The following WNT4 variants were observed in gnomAD, a reference collection of about 807,000 sequenced individuals.
WNT4 encodes protein Wnt-4.
Under a neutral mutation model 34.5 loss-of-function variants are expected in WNT4, and 16 were observed. The ratio of observed to expected loss-of-function variants is 0.46; its 90% CI spans 0.31 to 0.70. WNT4 has a LOEUF of 0.70. Ranked by LOEUF, WNT4 falls within the 30% of genes least tolerant of loss-of-function variation. WNT4 has a pLI of 0.04. For missense variants in WNT4, 379 were observed against 495.9 expected, an observed-to-expected ratio of 0.76 and a Z score of 2.24; for synonymous variants, 200 against 211.9, an observed-to-expected ratio of 0.94 and a Z score of 0.49.
At chr1:22,128,385 A>C (rs57264451) in intron 2 of WNT4, among the ~76,000 whole-genome samples, 3,352 of 152,278 alleles carry the variant, frequency 0.022, 123 homozygotes, top group African/African-American at 0.075. Context: ...AGGAAGTAGA[A>C]AAAGGGGCCC....
At chr1:22,130,372 T>C (rs950375480) in intron 1 of WNT4, among the ~76,000 whole-genome samples, 1 of 152,200 alleles carries the variant, frequency 6.6e-6, no homozygotes, top group Non-Finnish European at 1.5e-5. Context: ...GAGACCAGTG[T>C]CATTGCTGCC....
chr1:22,129,641 G>A lies in WNT4; in HGVS notation c.288C>T (p.Pro96=), dbSNP rs566208847. 6.2e-6 allele frequency: 10 copies of A among 1,613,588 alleles called. No homozygotes were observed. The East Asian group carries it at 1.6e-4, about 25-fold the overall frequency. Residue 96 remains proline (P), a synonymous_variant, in exon 2 of 5, where the codon CCC becomes CCT. Coordinates refer to ENST00000290167, the MANE Select transcript of WNT4 (RefSeq NM_030761.5). The part of the protein sequence containing the change: ...RWNCSTLDSL[P]VFGKVVTQGT... ...CTTGCGTCACCACCTTGCCGAAGAC[G>A]GGCAAGGAGTCGAGTGTGGAGCAGT...
chr1:22,139,182 G>T lies in WNT4; in HGVS notation c.77+3664C>A, dbSNP rs1344821897. ...AGGGCTTGGGAGCAGCAGCCTGAAGGCCCGTTTTCTCCACCACCCCTATCA... is the reference window on the plus strand; with the variant it reads ...AGGGCTTGGGAGCAGCAGCCTGAAGTCCCGTTTTCTCCACCACCCCTATCA... On this transcript the variant is annotated intron_variant, in intron 1 of 4. Transcript: ENST00000290167. This position sits in a 1 kb window ranked among gnomAD's most constrained non-coding sequence, Gnocchi z 4.6. Among the ~76,000 whole-genome samples, 1 of 152,172 alleles carries T rather than the reference G, an allele frequency of 6.6e-6. No homozygotes were observed. The highest frequency in any genetic ancestry group is 3.2e-3 in the Middle Eastern group (1 of 316).
At chr1:22,122,834 G>T (rs1645912092) in intron 2 of WNT4, among the ~76,000 whole-genome samples, 1 of 152,206 alleles carries the variant, frequency 6.6e-6, no homozygotes, top group Non-Finnish European at 1.5e-5. Flanking sequence ...GAGCACTGGG[G>T]TGGGAGGCAG....
intron 2 of WNT4, among the ~76,000 whole-genome samples, chr1:22,124,141 T>C (rs921782726): frequency 2.0e-5 from 3 of 152,140 alleles, no homozygotes; most frequent in African/African-American, 7.2e-5. Context: ...CACTCAGATA[T>C]AGAGAAAGAA....
chr1:22,129,401 T>G (rs1645965003), intron 2 of WNT4, among the ~76,000 whole-genome samples: 1 of 152,242 alleles, frequency 6.6e-6, no homozygotes, highest in South Asian at 2.1e-4. Context: ...CCTCTTCTGA[T>G]GGCCCCCATC....
Position 22,120,536 on chromosome 1 carries a change from G to T in WNT4, c.589-19C>A. On this transcript the variant is annotated intron_variant, in intron 4 of 4. Transcript: ENST00000290167. ...GGATGGCCTGTGGGAGAGGGTGGGG[G>T]AGAGGGGCCATCAGGAGATGGCAAG... is the stretch of plus-strand genomic sequence containing the variant. 2 of 1,596,798 alleles carry T rather than the reference G, an allele frequency of 1.3e-6. No individual in the cohort carries two copies. The highest frequency in any genetic ancestry group is 1.1e-5 in the South Asian group (1 of 89,410).
At chr1:22,125,263 CTT>C (rs1482098463) in intron 2 of WNT4, among the ~76,000 whole-genome samples, 1 of 152,020 alleles carries the variant, frequency 6.6e-6, no homozygotes, top group Non-Finnish European at 1.5e-5. Flanking sequence ...TTCTAATTGT[CTT>C]GTGTGTGTCT....
chr1:22,140,598 C>T lies in WNT4; in HGVS notation c.77+2248G>A, dbSNP rs979200699. Among the ~76,000 whole-genome samples the T allele has an allele frequency of 6.6e-6, 1 of 152,202 alleles. No individual in the cohort carries two copies. The highest frequency in any genetic ancestry group is 1.5e-5 in the Non-Finnish European group (1 of 68,042). On this transcript the variant is annotated intron_variant, in intron 1 of 4. Transcript: ENST00000290167. The surrounding 1 kb of genome is among the most constrained non-coding windows in gnomAD (Gnocchi z 5.9). ...GCCAGGCTGTGACATCCATTTCCCCCAGAGCTGCCATTCCTGGCCAGCTGA... is the reference window on the plus strand; with the variant it reads ...GCCAGGCTGTGACATCCATTTCCCCTAGAGCTGCCATTCCTGGCCAGCTGA...
chr1:22,142,201 C>T lies in WNT4; in HGVS notation c.77+645G>A, dbSNP rs963540612. Among the ~76,000 whole-genome samples the T allele has an allele frequency of 2.0e-5, 3 of 152,148 alleles. No individual in the cohort carries two copies. The highest frequency in any genetic ancestry group is 4.4e-5 in the Non-Finnish European group (3 of 68,026). On this transcript the variant is annotated intron_variant, in intron 1 of 4. Transcript: ENST00000290167. The surrounding 1 kb of genome is among the most constrained non-coding windows in gnomAD (Gnocchi z 6.0). ...AGGCTAGACACGGGGAGCTGGGGGG[C>T]CGTTGTCTTCTTTAAGGTCTGGACG...
At chr1:22,122,119 GTA>G (rs1645904427) in intron 2 of WNT4, among the ~76,000 whole-genome samples, 5 of 152,180 alleles carry the variant, frequency 3.3e-5, no homozygotes, top group African/African-American at 4.8e-5. Flanking sequence ...CCTTCCTTAT[GTA>G]TGATCTTGCC....
At chr1:22,133,842 C>T (rs1342560353) in intron 1 of WNT4, among the ~76,000 whole-genome samples, 5 of 152,254 alleles carry the variant, frequency 3.3e-5, no homozygotes, top group Non-Finnish European at 5.9e-5. Flanking sequence ...CCCGTGCCTA[C>T]AGCCTGCGAG....
At chr1:22,124,238 C>T (rs1003459139) in intron 2 of WNT4, among the ~76,000 whole-genome samples, 5 of 152,340 alleles carry the variant, frequency 3.3e-5, no homozygotes, top group East Asian at 1.9e-4. Flanking sequence ...TTCCAAGGGA[C>T]GAAGGCAATC....
At chr1:22,130,945 C>T (rs533546782) in intron 1 of WNT4, among the ~76,000 whole-genome samples, 2 of 152,348 alleles carry the variant, frequency 1.3e-5, no homozygotes, top group Non-Finnish European at 2.9e-5. Flanking sequence ...AAGTACTTTA[C>T]ATTATTGCGT....
At chr1:22,132,106 T>A (rs1570106900) in intron 1 of WNT4, among the ~76,000 whole-genome samples, 1 of 152,170 alleles carries the variant, frequency 6.6e-6, no homozygotes, top group Non-Finnish European at 1.5e-5. Context: ...CTACTGGCTG[T>A]GGGCCAGGTC....
intron 2 of WNT4, among the ~76,000 whole-genome samples, chr1:22,122,922 C>T (rs942678788): frequency 6.6e-6 from 1 of 152,228 alleles, no homozygotes; most frequent in Admixed American, 6.5e-5. Context: ...ACCCACTCTC[C>T]ACTGCCCACT....
intron 2 of WNT4, among the ~76,000 whole-genome samples, chr1:22,122,124 A>C (rs1426854627): frequency 3.3e-5 from 5 of 152,108 alleles, no homozygotes; most frequent in African/African-American, 4.8e-5. Context: ...CTTATGTATG[A>C]TCTTGCCCCT....
In WNT4 at chr1:22,119,219, T is replaced by TGC. The variant is rs1557921027; in HGVS notation, c.*830_*831insGC. 1 of 140,408 alleles carries TGC rather than the reference T, an allele frequency of 7.1e-6. No homozygotes were observed. Among genetic ancestry groups the TGC allele is most frequent in the Non-Finnish European group, 1.5e-5 (1 of 67,686 alleles). The allele number at this position is 140,408 out of a possible 1,614,324, so 8.7% of individuals were successfully genotyped here. ...GTGTGTGTGTGTGTGTGTGTGTGTG[T>TGC]GTGTGTGTGTTTCAGTTTCATGGAG... On this transcript the variant is annotated 3_prime_UTR_variant, in exon 5 of 5. Transcript: ENST00000290167.
At chr1:22,131,513 G>A (rs762097399) in intron 1 of WNT4, among the ~76,000 whole-genome samples, 9 of 152,184 alleles carry the variant, frequency 5.9e-5, no homozygotes, top group Non-Finnish European at 1.2e-4. Context: ...CTGACTCAGG[G>A]ATGCCACTGT....
Sources: gnomAD v4.1 joint callset for allele counts (sites outside exome capture counted in the v4.1 genomes callset) on GRCh38, gnomAD v4.1.1 for gene constraint, Gnocchi (gnomAD v3.1) non-coding constraint, MANE v1.5 for transcripts, NCBI Gene and HGNC (gene_info 2026-07-23, HGNC 2026-07-21) for gene names.